The following CSNK1G1 variants were observed in gnomAD, a reference collection of about 807,000 sequenced individuals.
CSNK1G1 encodes casein kinase 1 gamma 1, also known as casein kinase I isoform gamma-1.
CSNK1G1 carries 22 observed loss-of-function variants against 59.6 expected under a neutral mutation model. The ratio of observed to expected loss-of-function variants is 0.37; its 90% CI spans 0.26 to 0.53. CSNK1G1 has a LOEUF of 0.53. Among genes scored for constraint, CSNK1G1 ranks in the 20% least tolerant of loss-of-function variants. The pLI is 0.89. For synonymous variants in CSNK1G1, 179 were observed against 177.1 expected (o/e 1.01, Z -0.08); for missense variants, 384 against 519.5 (o/e 0.74, Z 2.54).
intron 2 of CSNK1G1, among the ~76,000 whole-genome samples, chr15:64,280,164 A>G (rs565137535): frequency 1.3e-5 from 2 of 152,112 alleles, no homozygotes; most frequent in South Asian, 2.1e-4. Flanking sequence ...ATACGCGCGC[A>G]CACACACACA....
intron 6 of CSNK1G1, among the ~76,000 whole-genome samples, chr15:64,209,859 T>C (rs2082229165): frequency 6.6e-6 from 1 of 152,160 alleles, no homozygotes. Flanking sequence ...AAGAAGCCCC[T>C]TGGTTATTAA....
Position 64,210,623 on chromosome 15 carries a change from ATAT to A in CSNK1G1, c.680-3032_680-3030del, listed in dbSNP as rs1353334826. Among the ~76,000 whole-genome samples the A allele has an allele frequency of 6.6e-6, 1 of 152,158 alleles. No individual in the cohort carries two copies. The highest frequency in any genetic ancestry group is 1.5e-5 in the Non-Finnish European group (1 of 68,016). On this transcript the variant is annotated intron_variant, in intron 6 of 11. Coordinates refer to ENST00000303052, the MANE Select transcript of CSNK1G1 (RefSeq NM_022048.5). The surrounding 1 kb of genome is among the most constrained non-coding windows in gnomAD (Gnocchi z 4.2). Reference sequence around the variant, plus strand: ...CATAACATCCCTGATTTTAGGTTAAATATATTTGTTGAAGGCAGGGAGCAAGGT... The same window carrying A: ...CATAACATCCCTGATTTTAGGTTAAAATTTGTTGAAGGCAGGGAGCAAGGT...
intron 1 of CSNK1G1, among the ~76,000 whole-genome samples, chr15:64,344,497 C>T (rs890722398): frequency 5.3e-5 from 8 of 152,258 alleles, no homozygotes; most frequent in Non-Finnish European, 1.0e-4. Flanking sequence ...AACTTCACCA[C>T]TATTTTTAAA....
intron 2 of CSNK1G1, among the ~76,000 whole-genome samples, chr15:64,277,568 T>A (rs1003937741): frequency 2.7e-4 from 35 of 131,482 alleles, no homozygotes; most frequent in African/African-American, 8.7e-4. Flanking sequence ...TAAAATTTAA[T>A]ATAATAAATA....
chr15:64,224,892 AG>A (rs1376456458), intron 4 of CSNK1G1, among the ~76,000 whole-genome samples: 1 of 152,166 alleles, frequency 6.6e-6, no homozygotes, highest in African/African-American at 2.4e-5. Flanking sequence ...GAATGCCTTG[AG>A]CCTTAAAGCA....
At chr15:64,289,174 T>C (rs1474787291) in intron 2 of CSNK1G1, among the ~76,000 whole-genome samples, 1 of 147,192 alleles carries the variant, frequency 6.8e-6, no homozygotes, top group Non-Finnish European at 1.5e-5. Context: ...AGTGAGACTC[T>C]GTATCAAAAA....
At position 64,295,291 on chromosome 15, in the gene CSNK1G1, C is replaced by G. The variant is rs576622595; in HGVS notation, c.181+5028G>C. On this transcript the variant is annotated intron_variant, in intron 2 of 11. Coordinates refer to ENST00000303052, the MANE Select transcript of CSNK1G1 (RefSeq NM_022048.5). The stretch of plus-strand genomic sequence containing the variant: ...GTGGGAGTTATTTATATACACTGCT[C>G]GAGGTCATCACCAAGGTCTGATTTT... Among the ~76,000 whole-genome samples, 17 of 152,206 alleles carry G rather than the reference C, an allele frequency of 1.1e-4. No homozygotes were observed. The South Asian group carries it at 3.3e-3, about 30-fold the overall frequency.
chr15:64,350,945 A>G (rs1358302462), intron 1 of CSNK1G1, among the ~76,000 whole-genome samples: 1 of 151,544 alleles, frequency 6.6e-6, no homozygotes, highest in African/African-American at 2.4e-5. Context: ...CAGAGCTTCT[A>G]TATTGGGCAG....
intron 4 of CSNK1G1, among the ~76,000 whole-genome samples, chr15:64,239,719 A>G (rs1193560041): frequency 2.6e-5 from 4 of 152,180 alleles, no homozygotes. Flanking sequence ...AGATACCAGA[A>G]AATACAGACA....
chr15:64,274,454 A>G (rs1253390333), intron 2 of CSNK1G1, among the ~76,000 whole-genome samples: 1 of 152,246 alleles, frequency 6.6e-6, no homozygotes, highest in African/African-American at 2.4e-5. Flanking sequence ...ATGAGGAAGG[A>G]AAGCCATTTA....
rs548855572 is a variant in CSNK1G1 at position 64,321,759 on chromosome 15, A to G, written c.-224-21036T>C. 6.6e-5 allele frequency among the ~76,000 whole-genome samples: 10 copies of G among 152,368 alleles called. No homozygotes were observed. The South Asian group carries it at 2.1e-3, about 32-fold the overall frequency. Reference sequence around the variant, plus strand: ...TCAAACACCTAACACCAGTATTAATAAAGTTTTCTAATTATGAAATGACCA... The same window carrying G: ...TCAAACACCTAACACCAGTATTAATGAAGTTTTCTAATTATGAAATGACCA... On this transcript the variant is annotated intron_variant, in intron 1 of 11. Coordinates refer to ENST00000303052, the MANE Select transcript of CSNK1G1 (RefSeq NM_022048.5).
In CSNK1G1 at chr15:64,165,909, A is replaced by G. The variant is rs1241754703; in HGVS notation, c.*6022T>C. ...AGAACCCATTTTCCATTTTCTCCAA[A>G]GAAGGCTACTTCCTCTGCAGAGAAG... On this transcript the variant is annotated 3_prime_UTR_variant, in exon 12 of 12. Coordinates refer to ENST00000303052, the MANE Select transcript of CSNK1G1 (RefSeq NM_022048.5). 1.9e-6 allele frequency: 1 copy of G among 523,528 alleles called. No individual in the cohort carries two copies. Among genetic ancestry groups the G allele is most frequent in the African/African-American group, 2.0e-5 (1 of 50,526 alleles). The allele number at this position is 523,528 out of a possible 1,614,324, so 32.4% of individuals were successfully genotyped here. A position where few individuals can be genotyped will look rare whatever the true frequency, so the allele number is the denominator to read the frequency against.
intron 2 of CSNK1G1, among the ~76,000 whole-genome samples, chr15:64,262,291 G>A (rs924802471): frequency 6.6e-6 from 1 of 152,220 alleles, no homozygotes; most frequent in Non-Finnish European, 1.5e-5. Context: ...TATAGTGAGT[G>A]TTAAAACAGA....
chr15:64,219,156 C>T (rs531099029), intron 4 of CSNK1G1, among the ~76,000 whole-genome samples: 101 of 152,196 alleles, frequency 6.6e-4, no homozygotes, highest in African/African-American at 2.4e-3. Context: ...CACCAGGCCC[C>T]AAAGAGTCTT....
intron 4 of CSNK1G1, among the ~76,000 whole-genome samples, chr15:64,224,460 A>G (rs539413062): frequency 2.6e-5 from 4 of 152,326 alleles, no homozygotes; most frequent in Admixed American, 2.6e-4. Context: ...AACTCTGAGA[A>G]TAAACCCATG....
chr15:64,196,792 G>A (rs1184812221), intron 10 of CSNK1G1, among the ~76,000 whole-genome samples: 1 of 149,120 alleles, frequency 6.7e-6, no homozygotes, highest in Non-Finnish European at 1.5e-5. Context: ...TGCTCTGTGT[G>A]TGTTTTTTTT....
chr15:64,308,441 A>AAAGC (rs112160596), intron 1 of CSNK1G1, among the ~76,000 whole-genome samples: 1 of 151,580 alleles, frequency 6.6e-6, no homozygotes, highest in Non-Finnish European at 1.5e-5. Context: ...GTTCATTATT[A>AAAGC]AAGGGAGCCA....
intron 1 of CSNK1G1, among the ~76,000 whole-genome samples, chr15:64,311,364 T>C (rs1366101016): frequency 4.6e-5 from 7 of 152,170 alleles, no homozygotes; most frequent in Non-Finnish European, 1.0e-4. Context: ...CATTTTAAAA[T>C]ACTACTTCTA....
intron 2 of CSNK1G1, among the ~76,000 whole-genome samples, chr15:64,287,830 A>G (rs1894511383): frequency 6.6e-6 from 1 of 152,230 alleles, no homozygotes; most frequent in South Asian, 2.1e-4. Flanking sequence ...TGTATAACAT[A>G]GACATCTAGT....
Sources: allele counts gnomAD v4.1 joint callset (sites outside exome capture counted in the v4.1 genomes callset), GRCh38; gene constraint gnomAD v4.1.1; non-coding constraint Gnocchi (gnomAD v3.1); transcripts MANE v1.5; gene names NCBI Gene and HGNC (gene_info 2026-07-23, HGNC 2026-07-21).